DDR2: variants seen among roughly 807,000 people sequenced by gnomAD.
DDR2 encodes the protein discoidin domain receptor tyrosine kinase 2.
A neutral mutation model predicts 94.9 loss-of-function variants in DDR2; 27 were observed. The ratio of observed to expected loss-of-function variants is 0.28; its 90% CI spans 0.21 to 0.39. The LOEUF (loss-of-function observed/expected upper bound fraction) is 0.39. Ranked by LOEUF, DDR2 falls within the 10% of genes least tolerant of loss-of-function variation. DDR2 has a pLI of 1.00. For synonymous variants in DDR2, 382 were observed against 377.2 expected (o/e 1.01, Z -0.15); for missense variants, 783 against 1,076.0 (o/e 0.73, Z 3.81).
rs574386725 is a variant in DDR2 at position 162,767,149 on chromosome 1, C to G, written c.1163-80C>G. ...ATCCTCAAGGAACAGGGTCTACCTC[C>G]ATGTTTCCAGTTCAGTCCCTCATAC... On this transcript the variant is annotated intron_variant, in intron 10 of 17. Coordinates refer to ENST00000367921, the MANE Select transcript of DDR2 (RefSeq NM_006182.4). The G allele has an allele frequency of 1.3e-4, 210 of 1,599,622 alleles. 1 individual carries two copies. The South Asian group carries it at 2.2e-3, about 17-fold the overall frequency.
rs573821003 is a variant in DDR2, at chr1:162,675,931, G to A, written c.-28+20557G>A. Among the ~76,000 whole-genome samples the A allele has an allele frequency of 7.9e-5, 12 of 152,232 alleles. No individual in the cohort carries two copies. The South Asian group carries it at 1.2e-3, about 16-fold the overall frequency. ...TGTTGGAGTTCAGAGAGAAGTCCTC[G>A]GCCTGGCCTAGCAGTGTAGACAGCC... On this transcript the variant is annotated intron_variant, in intron 2 of 17. Transcript: ENST00000367921.
chr1:162,741,803 G>C (rs1468018128), intron 3 of DDR2: 2 of 957,620 alleles, frequency 2.1e-6, no homozygotes, highest in East Asian at 2.3e-4. Flanking sequence ...ATGTAGCCCA[G>C]GTTAAAGGCC....
chr1:162,745,629 T>C (rs192342382), intron 3 of DDR2, among the ~76,000 whole-genome samples: 17 of 152,266 alleles, frequency 1.1e-4, no homozygotes, highest in Admixed American at 2.6e-4. Flanking sequence ...TGAAGATCAG[T>C]TGACCTGTGT....
chr1:162,642,047 T>C (rs1448062345), intron 1 of DDR2, among the ~76,000 whole-genome samples: 1 of 152,018 alleles, frequency 6.6e-6, no homozygotes, highest in African/African-American at 2.4e-5. Flanking sequence ...GCCTCCTGGG[T>C]TCAAGCCATT....
Position 162,780,341 on chromosome 1 carries a change from T to C in DDR2, c.*95T>C. The C allele has an allele frequency of 1.3e-6, 2 of 1,573,144 alleles. No individual in the cohort carries two copies. Among genetic ancestry groups the C allele is most frequent in the Non-Finnish European group, 1.7e-6 (2 of 1,152,484 alleles). Reference sequence around the variant, plus strand: ...TATGCCACTCCATCTGGACATTTAATGAAACTGAGAGACAGAGGCTTGTTT... The same window carrying C: ...TATGCCACTCCATCTGGACATTTAACGAAACTGAGAGACAGAGGCTTGTTT... On this transcript the variant is annotated 3_prime_UTR_variant, in exon 18 of 18. Coordinates refer to ENST00000367921, the MANE Select transcript of DDR2 (RefSeq NM_006182.4).
intron 2 of DDR2, among the ~76,000 whole-genome samples, chr1:162,679,795 C>A (rs540877547): frequency 6.6e-6 from 1 of 151,904 alleles, no homozygotes; most frequent in Non-Finnish European, 1.5e-5. Flanking sequence ...TTGCCAACAT[C>A]TGTTTTGTTT....
upstream of DDR2, among the ~76,000 whole-genome samples, chr1:162,631,078 T>C (rs898115962): frequency 7.9e-5 from 12 of 152,140 alleles, no homozygotes; most frequent in African/African-American, 2.9e-4. Flanking sequence ...GAGGCACAGA[T>C]GTTAACGGCT....
At position 162,761,418 on chromosome 1, in the gene DDR2, A is replaced by G; in HGVS notation, c.1063A>G (p.Thr355Ala). The change falls in exon 9 of 18, where the codon ACC becomes GCC. Residue 355 changes from threonine to alanine, a missense_variant. Thr to Ala is a moderately conservative substitution (Grantham distance 58, BLOSUM62 0). Transcript: ENST00000367921. Reference protein sequence around the residue: ...AIKCQYHFADTWMMFSEITFQ... With the variant: ...AIKCQYHFADAWMMFSEITFQ... ...CAAGTGTCAATACCATTTTGCAGAT[A>G]CCTGGATGATGTTCAGTGAGATCAC... 1 of 1,614,168 alleles carries G rather than the reference A, an allele frequency of 6.2e-7. No homozygotes were observed. Among genetic ancestry groups the G allele is most frequent in the Non-Finnish European group, 8.5e-7 (1 of 1,180,016 alleles).
intron 3 of DDR2, among the ~76,000 whole-genome samples, chr1:162,745,374 T>A (rs534621054): frequency 6.6e-6 from 1 of 152,342 alleles, no homozygotes; most frequent in East Asian, 1.9e-4. Flanking sequence ...TTGTTGCTTA[T>A]GTGTTTGGTA....
At chr1:162,734,897 T>G (rs1044894344) in intron 3 of DDR2, among the ~76,000 whole-genome samples, 1 of 152,172 alleles carries the variant, frequency 6.6e-6, no homozygotes, top group African/African-American at 2.4e-5. Flanking sequence ...GAAGCTAATT[T>G]GGGCTATTGT....
At chr1:162,741,160 A>AATATAATATG (rs1261523759) in intron 3 of DDR2, among the ~76,000 whole-genome samples, 5 of 136,472 alleles carry the variant, frequency 3.7e-5, no homozygotes, top group Admixed American at 7.3e-5. Context: ...TGGACTTTGG[A>AATATAATATG]ATATAATATA....
intron 3 of DDR2, among the ~76,000 whole-genome samples, chr1:162,740,115 C>T (rs1662516770): frequency 6.6e-6 from 1 of 152,020 alleles, no homozygotes; most frequent in African/African-American, 2.4e-5. Flanking sequence ...CCAATATGCA[C>T]TGAGAAATAA....
chr1:162,741,278 A>AATGTAATGTAATGTAATG (rs1558057690), intron 3 of DDR2, among the ~76,000 whole-genome samples: 1 of 127,054 alleles, frequency 7.9e-6, no homozygotes, highest in African/African-American at 3.0e-5. Context: ...ATAATATAAT[A>AATGTAATGTAATGTAATG]TAATATAATA....
Position 162,750,105 on chromosome 1 carries a change from A to T in DDR2, c.83-2990A>T, listed in dbSNP as rs182434945. ...GCACAAGACAGGGATGCCCTCTCTC[A>T]CCACTCCTATTCAACATAGTTTGGA... On this transcript the variant is annotated intron_variant, in intron 3 of 17. Coordinates refer to ENST00000367921, the MANE Select transcript of DDR2 (RefSeq NM_006182.4). Among the ~76,000 whole-genome samples, 301 of 152,316 alleles carry T rather than the reference A, an allele frequency of 2.0e-3. 1 individual carries two copies. Among genetic ancestry groups the T allele is most frequent in the Middle Eastern group, 3.4e-3 (1 of 294 alleles).
chr1:162,750,138 G>T (rs965206365), intron 3 of DDR2, among the ~76,000 whole-genome samples: 8 of 152,164 alleles, frequency 5.3e-5, no homozygotes, highest in African/African-American at 2.4e-5. Flanking sequence ...GGATGTTCTG[G>T]CCAGGGCAAT....
intron 2 of DDR2, among the ~76,000 whole-genome samples, chr1:162,699,338 G>A (rs1660328410): frequency 6.6e-6 from 1 of 151,706 alleles, no homozygotes. Context: ...TGCTTGCACT[G>A]ATTTACATCT....
intron 1 of DDR2, among the ~76,000 whole-genome samples, chr1:162,654,771 G>A (rs753263731): frequency 2.0e-5 from 3 of 152,134 alleles, no homozygotes; most frequent in Non-Finnish European, 2.9e-5. Flanking sequence ...CAGAGGCTCA[G>A]TGACATGTGC....
At chr1:162,772,363 G>C (rs1405308960) in intron 13 of DDR2, 116 bp downstream of exon 13, 12 of 1,085,092 alleles carry the variant, frequency 1.1e-5, no homozygotes, top group South Asian at 4.1e-5. Flanking sequence ...TCTTCCATTT[G>C]TCTCTCCTTG....
chr1:162,671,866 A>T (rs542917920), intron 2 of DDR2, among the ~76,000 whole-genome samples: 4 of 152,044 alleles, frequency 2.6e-5, no homozygotes, highest in Non-Finnish European at 1.5e-5. Flanking sequence ...GTCATCTTTG[A>T]CCTACCTTCC....
Sources: gnomAD v4.1 joint callset for allele counts (sites outside exome capture counted in the v4.1 genomes callset) on GRCh38, gnomAD v4.1.1 for gene constraint, MANE v1.5 for transcripts, NCBI Gene and HGNC (gene_info 2026-07-23, HGNC 2026-07-21) for gene names.